RASSF6: variants seen among roughly 807,000 people sequenced by gnomAD.
The protein encoded by RASSF6 is Ras association domain family member 6.
Under a neutral mutation model 44.0 loss-of-function variants are expected in RASSF6, and 52 were observed. The ratio of observed to expected loss-of-function variants is 1.18; its 90% confidence interval spans 0.95 to 1.49. RASSF6 has a LOEUF of 1.49. Ranked by LOEUF, RASSF6 falls within the 40% of genes most tolerant of loss-of-function variation. RASSF6 has a pLI of 0.00. For missense variants in RASSF6, 464 were observed against 393.3 expected (o/e 1.18, Z -1.52); for synonymous variants, 162 against 124.6 (o/e 1.30, Z -2.00).
At position 73,609,973 on chromosome 4, in the gene RASSF6, T is replaced by C. The variant is rs1725895569; in HGVS notation, c.65+1758A>G. ...GTTCTGGGGTGAAGCCAAGGGTCTA[T>C]ACTGTGAACAGGCATCTGAGTCAGA... On this transcript the variant is annotated intron_variant, in intron 2 of 10. Coordinates refer to ENST00000307439, the MANE Select transcript of RASSF6 (RefSeq NM_177532.5). Among the ~76,000 whole-genome samples, 4 of 152,278 alleles carry C rather than the reference T, an allele frequency of 2.6e-5. No homozygotes were observed. In the South Asian group the frequency reaches 8.3e-4, roughly 32 times the overall value.
chr4:73,586,911 G>GAAA (rs33997624), intron 5 of RASSF6, among the ~76,000 whole-genome samples: 1,564 of 139,196 alleles, frequency 0.011, 25 homozygotes, highest in South Asian at 0.049. Context: ...AGAATGATTT[G>GAAA]AAAAAAAAAA....
intron 8 of RASSF6, among the ~76,000 whole-genome samples, chr4:73,577,101 AT>A (rs1453990528): frequency 5.9e-5 from 9 of 152,276 alleles, no homozygotes; most frequent in Non-Finnish European, 7.4e-5. Flanking sequence ...AGTTGATGTA[AT>A]TCCATCTTTC....
At chr4:73,591,938 A>G (rs1329895029) in intron 4 of RASSF6, among the ~76,000 whole-genome samples, 3 of 151,976 alleles carry the variant, frequency 2.0e-5, no homozygotes, top group Non-Finnish European at 2.9e-5. Flanking sequence ...GGAGATAAGT[A>G]TACAAAAATA....
In RASSF6 at chr4:73,592,313, G is replaced by C. The variant is rs77833002; in HGVS notation, c.287+1138C>G. 2.8e-3 allele frequency among the ~76,000 whole-genome samples: 421 copies of C among 152,178 alleles called. 2 individuals are homozygous for C. The highest frequency in any genetic ancestry group is 9.9e-3 in the African/African-American group (411 of 41,506). ...CTAGTTGTGGCCAAATATTACATTGGGCAAATTGTCCTGGCAGCTCTTTCT... is the reference window on the plus strand; with the variant it reads ...CTAGTTGTGGCCAAATATTACATTGCGCAAATTGTCCTGGCAGCTCTTTCT... On this transcript the variant is annotated intron_variant, in intron 4 of 10. Coordinates refer to ENST00000307439, the MANE Select transcript of RASSF6 (RefSeq NM_177532.5).
chr4:73,604,658 C>A (rs754199330), intron 2 of RASSF6: 3 of 151,984 alleles, frequency 2.0e-5, no homozygotes, highest in Non-Finnish European at 4.4e-5. Flanking sequence ...ATTTTGTTCA[C>A]GATATTAAAT....
In RASSF6 at chr4:73,583,548, C is replaced by T. The variant is rs113806560; in HGVS notation, c.568-1258G>A. Among the ~76,000 whole-genome samples, 999 of 152,078 alleles carry T rather than the reference C, an allele frequency of 6.6e-3. 11 individuals are homozygous for T. The highest frequency in any genetic ancestry group is 0.023 in the African/African-American group (953 of 41,520). ...CTTCATAGTATAAAAACATATCTTACGACACACAGCAACTTAAGAAACATA... is the reference window on the plus strand; with the variant it reads ...CTTCATAGTATAAAAACATATCTTATGACACACAGCAACTTAAGAAACATA... On this transcript the variant is annotated intron_variant, in intron 6 of 10. Transcript: ENST00000307439.
chr4:73,603,037 C>A (rs575395208), intron 2 of RASSF6, among the ~76,000 whole-genome samples: 1 of 151,990 alleles, frequency 6.6e-6, no homozygotes, highest in African/African-American at 2.4e-5. Flanking sequence ...GCAGTGAGCC[C>A]AGATTGCGCC....
In RASSF6 at chr4:73,576,329, A is replaced by C; in HGVS notation, c.939-19T>G. 6.6e-7 allele frequency: 1 copy of C among 1,512,414 alleles called. No homozygotes were observed. The highest frequency in any genetic ancestry group is 2.3e-5 in the East Asian group (1 of 44,308). The allele number at this position is 1,512,414 out of a possible 1,614,324, so 93.7% of individuals were successfully genotyped here. A position where few individuals can be genotyped will look rare whatever the true frequency, so the allele number is the denominator to read the frequency against. On this transcript the variant is annotated intron_variant, in intron 10 of 10. Transcript: ENST00000307439. ...ATTGAATCTGAAAATGAGAAGAAGA[A>C]AGACTATTAAAAATTGGACATATTT...
intron 1 of RASSF6, among the ~76,000 whole-genome samples, chr4:73,619,850 C>G (rs1487359791): frequency 6.6e-6 from 1 of 151,890 alleles, no homozygotes; most frequent in African/African-American, 2.4e-5. Flanking sequence ...AAAAGTTGAG[C>G]TGAACCCTCA....
intron 2 of RASSF6, among the ~76,000 whole-genome samples, chr4:73,602,117 G>A (rs1240140856): frequency 6.6e-6 from 1 of 152,212 alleles, no homozygotes; most frequent in African/African-American, 2.4e-5. Flanking sequence ...TCAAGAGTTG[G>A]GATTCCAAGA....
At chr4:73,580,328 A>C (rs13130156) in intron 8 of RASSF6, among the ~76,000 whole-genome samples, 93,101 of 145,170 alleles carry the variant, frequency 0.64, 30,509 homozygotes, top group East Asian at 0.88. Flanking sequence ...TGCCGCAATA[A>C]ACATACGTGT....
intron 2 of RASSF6, among the ~76,000 whole-genome samples, chr4:73,604,846 A>C (rs1328002175): frequency 6.6e-6 from 1 of 150,650 alleles, no homozygotes; most frequent in Non-Finnish European, 1.5e-5. Flanking sequence ...TTTATTTCCT[A>C]TGTTATAATT....
At chr4:73,588,368 C>T (rs1724270251) in intron 4 of RASSF6, among the ~76,000 whole-genome samples, 1 of 151,972 alleles carries the variant, frequency 6.6e-6, no homozygotes, top group South Asian at 2.1e-4. Flanking sequence ...GGTAGAGTGG[C>T]TCTAAAATAA....
intron 5 of RASSF6, among the ~76,000 whole-genome samples, chr4:73,586,758 T>C (rs1724124826): frequency 1.3e-5 from 2 of 151,894 alleles, no homozygotes; most frequent in South Asian, 4.1e-4. Context: ...GTTTCATATA[T>C]ATTTCTAAAA....
chr4:73,578,853 C>T (rs1462900476), intron 8 of RASSF6, among the ~76,000 whole-genome samples: 1 of 151,988 alleles, frequency 6.6e-6, no homozygotes, highest in East Asian at 1.9e-4. Context: ...CTCAAATGAT[C>T]CGCCCACCTC....
At chr4:73,584,036 A>G (rs1723886310) in intron 6 of RASSF6, among the ~76,000 whole-genome samples, 2 of 152,022 alleles carry the variant, frequency 1.3e-5, no homozygotes, top group African/African-American at 4.8e-5. Context: ...ATGACATACA[A>G]CACAATTTCT....
At chr4:73,606,550 G>A (rs1725651509) in intron 2 of RASSF6, among the ~76,000 whole-genome samples, 1 of 152,102 alleles carries the variant, frequency 6.6e-6, no homozygotes, top group African/African-American at 2.4e-5. Flanking sequence ...GGAGCAATTA[G>A]GCTGGTACTT....
intron 2 of RASSF6, among the ~76,000 whole-genome samples, chr4:73,609,565 AC>A (rs916288975): frequency 4.0e-4 from 61 of 152,302 alleles, no homozygotes; most frequent in African/African-American, 1.4e-3. Flanking sequence ...ATTTGCTGAA[AC>A]CAAAATTTTG....
At chr4:73,586,990 C>T (rs1560444706) in intron 5 of RASSF6, among the ~76,000 whole-genome samples, 1 of 151,944 alleles carries the variant, frequency 6.6e-6, no homozygotes, top group African/African-American at 2.4e-5. Context: ...CCTTTGTTCA[C>T]ACTGAACTGA....
Sources: allele counts gnomAD v4.1 joint callset (sites outside exome capture counted in the v4.1 genomes callset), GRCh38; gene constraint gnomAD v4.1.1; transcripts MANE v1.5; gene names NCBI Gene and HGNC (gene_info 2026-07-23, HGNC 2026-07-21).